Variants in CNTN5 observed in about 807,000 individuals in gnomAD.
CNTN5 encodes the protein contactin-5.
CNTN5 carries 77 observed loss-of-function variants against 129.1 expected under a neutral mutation model. The observed-to-expected ratio is 0.60, with a 90% CI of 0.50 to 0.72. CNTN5 has a LOEUF of 0.72. Ranked by LOEUF, CNTN5 falls within the 30% of genes least tolerant of loss-of-function variation. CNTN5 has a pLI of 0.00. For synonymous variants in CNTN5, 509 were observed against 465.6 expected, an observed-to-expected ratio of 1.09 and a Z score of -1.20; for missense variants, 1,478 against 1,328.8, an observed-to-expected ratio of 1.11 and a Z score of -1.75.
intron 2 of CNTN5, among the ~76,000 whole-genome samples, chr11:99,468,622 G>A (rs998947318): frequency 6.8e-6 from 1 of 145,988 alleles, no homozygotes; most frequent in African/African-American, 2.5e-5. Context: ...CAAGTTATAT[G>A]TTAAGATTAA....
chr11:100,336,960 G>C (rs1591524930), intron 21 of CNTN5: 2 of 716,268 alleles, frequency 2.8e-6, no homozygotes, highest in African/African-American at 1.7e-5. Flanking sequence ...TTCTTAGGCA[G>C]AAAAGAAATC....
chr11:100,022,016 T>C (rs922827475), intron 9 of CNTN5, among the ~76,000 whole-genome samples: 2 of 152,158 alleles, frequency 1.3e-5, no homozygotes, highest in African/African-American at 2.4e-5. Flanking sequence ...TGGCAGCTGA[T>C]TGGATGGTGC....
intron 18 of CNTN5, among the ~76,000 whole-genome samples, chr11:100,287,171 G>A (rs936035581): frequency 6.6e-6 from 1 of 152,186 alleles, no homozygotes; most frequent in African/African-American, 2.4e-5. Context: ...GAACCAAGTT[G>A]GAAAACACTC....
chr11:99,184,281 A>G (rs61891559), intron 1 of CNTN5, among the ~76,000 whole-genome samples: 15,301 of 151,990 alleles, frequency 0.1, 1,321 homozygotes, highest in East Asian at 0.4. Context: ...TCATTATACT[A>G]TGTCTCTACT....
At chr11:99,808,767 C>T (rs1349246981) in intron 3 of CNTN5, among the ~76,000 whole-genome samples, 1 of 152,044 alleles carries the variant, frequency 6.6e-6, no homozygotes, top group Non-Finnish European at 1.5e-5. Context: ...CTGCCAAGCA[C>T]TTTTTCTTGG....
chr11:99,630,230 A>G (rs117213682), intron 3 of CNTN5, among the ~76,000 whole-genome samples: 6,037 of 145,988 alleles, frequency 0.041, 162 homozygotes, highest in Middle Eastern at 0.11. Context: ...TTGCTTATGG[A>G]TGTGTGTGTG....
chr11:99,750,272 C>G lies in CNTN5; in HGVS notation c.56-69272C>G, dbSNP rs183809078. On this transcript the variant is annotated intron_variant, in intron 3 of 24. Transcript: ENST00000524871. ...ATCACAAAAGATTTGAAGCTTTTAA[C>G]ATAAGATTTAATATCTATCTTACCT... is the stretch of plus-strand genomic sequence containing the variant. Among the ~76,000 whole-genome samples the G allele has an allele frequency of 2.6e-5, 4 of 152,120 alleles. No homozygotes were observed. In the East Asian group the frequency reaches 7.7e-4, roughly 29 times the overall value.
At chr11:99,114,041 C>T (rs981369688) in intron 1 of CNTN5, among the ~76,000 whole-genome samples, 4 of 152,080 alleles carry the variant, frequency 2.6e-5, no homozygotes, top group Admixed American at 1.3e-4. Context: ...TGTTAGATTT[C>T]ATAGTCCTTG....
intron 2 of CNTN5, among the ~76,000 whole-genome samples, chr11:99,457,617 A>C (rs1473504974): frequency 6.6e-6 from 1 of 151,886 alleles, no homozygotes; most frequent in Non-Finnish European, 1.5e-5. Flanking sequence ...AATTTTGTAA[A>C]ATTACATGTT....
intron 1 of CNTN5, among the ~76,000 whole-genome samples, chr11:99,052,224 CAGAG>C (rs966089409): frequency 6.6e-6 from 1 of 151,554 alleles, no homozygotes; most frequent in African/African-American, 2.4e-5. Flanking sequence ...TATATACACA[CAGAG>C]AGATAACATA....
intron 8 of CNTN5, among the ~76,000 whole-genome samples, chr11:99,973,951 A>C (rs998251923): frequency 1.3e-5 from 2 of 152,228 alleles, no homozygotes; most frequent in Non-Finnish European, 2.9e-5. Context: ...CAAAGTAGAC[A>C]TACTGAGAGG....
At chr11:99,376,612 T>C (rs919740710) in intron 2 of CNTN5, among the ~76,000 whole-genome samples, 32 of 152,182 alleles carry the variant, frequency 2.1e-4, no homozygotes, top group African/African-American at 7.5e-4. Context: ...TATCTGCCCA[T>C]GTTGTGGTCA....
chr11:99,509,281 T>C (rs1244548972), intron 2 of CNTN5, among the ~76,000 whole-genome samples: 1 of 152,162 alleles, frequency 6.6e-6, no homozygotes, highest in African/African-American at 2.4e-5. Flanking sequence ...TTTTGTTTGT[T>C]TTCAGGGTGT....
intron 3 of CNTN5, among the ~76,000 whole-genome samples, chr11:99,651,300 C>A (rs1332235362): frequency 1.3e-5 from 2 of 151,730 alleles, no homozygotes; most frequent in African/African-American, 4.8e-5. Flanking sequence ...ATGTTTATTG[C>A]ATGTGGCAAT....
chr11:100,314,528 G>A (rs1951540036), intron 21 of CNTN5, among the ~76,000 whole-genome samples: 2 of 152,042 alleles, frequency 1.3e-5, no homozygotes, highest in Admixed American at 1.3e-4. Context: ...CTGTATCCCT[G>A]GAATACATAG....
At chr11:99,878,002 C>T (rs1948677676) in intron 6 of CNTN5, among the ~76,000 whole-genome samples, 1 of 152,122 alleles carries the variant, frequency 6.6e-6, no homozygotes. Flanking sequence ...ATACAGTCTG[C>T]CTTAATTATT....
At chr11:99,184,398 G>A (rs2135573828) in intron 1 of CNTN5, among the ~76,000 whole-genome samples, 1 of 152,006 alleles carries the variant, frequency 6.6e-6, no homozygotes, top group Non-Finnish European at 1.5e-5. Flanking sequence ...ACTTAACTTG[G>A]CAAATTTCTC....
chr11:99,387,376 G>T (rs1767206153), intron 2 of CNTN5, among the ~76,000 whole-genome samples: 1 of 152,112 alleles, frequency 6.6e-6, no homozygotes, highest in African/African-American at 2.4e-5. Context: ...ATACCATACT[G>T]AAATGGTAGG....
chr11:99,419,217 A>T (rs1942786780), intron 2 of CNTN5, among the ~76,000 whole-genome samples: 1 of 152,124 alleles, frequency 6.6e-6, no homozygotes, highest in Non-Finnish European at 1.5e-5. Flanking sequence ...GCACAGCCTC[A>T]GGGATGGTAT....
Sources: allele counts gnomAD v4.1 joint callset (sites outside exome capture counted in the v4.1 genomes callset), GRCh38; gene constraint gnomAD v4.1.1; transcripts MANE v1.5; gene names NCBI Gene and HGNC (gene_info 2026-07-23, HGNC 2026-07-21).